BABAM2: variants seen among roughly 807,000 people sequenced by gnomAD.
BABAM2 encodes BRISC and BRCA1 A complex member 2, also known as BRISC and BRCA1-A complex member 2.
In BABAM2, 31 loss-of-function variants were observed where a neutral mutation model predicts 54.7. The observed-to-expected ratio is 0.57, with a 90% CI of 0.43 to 0.77. The LOEUF (loss-of-function observed/expected upper bound fraction) is 0.77, where lower values mean the gene tolerates loss of function less well. BABAM2 is among the 30% of genes least tolerant of loss of function. BABAM2 has a pLI of 0.00. For missense variants in BABAM2, 364 were observed against 455.8 expected (o/e 0.80, Z 1.83); for synonymous variants, 167 against 162.9 (o/e 1.03, Z -0.19).
At chr2:28,227,574 C>G (rs1164354822) in intron 7 of BABAM2, among the ~76,000 whole-genome samples, 1 of 152,150 alleles carries the variant, frequency 6.6e-6, no homozygotes, top group Non-Finnish European at 1.5e-5. Context: ...CTGGTAGTTT[C>G]AATAAATGTC....
At chr2:28,088,905 C>T (rs1449857559) in intron 6 of BABAM2, among the ~76,000 whole-genome samples, 1 of 152,132 alleles carries the variant, frequency 6.6e-6, no homozygotes, top group Admixed American at 6.5e-5. Flanking sequence ...GTGTGTGTAC[C>T]TGCCTTGATG....
chr2:27,957,850 A>C (rs1176484489), intron 3 of BABAM2, among the ~76,000 whole-genome samples: 1 of 152,220 alleles, frequency 6.6e-6, no homozygotes, highest in East Asian at 1.9e-4. Flanking sequence ...CATAAAAGGC[A>C]ATGAGGCTTT....
At chr2:27,979,689 G>A (rs1671866294) in intron 3 of BABAM2, among the ~76,000 whole-genome samples, 1 of 152,026 alleles carries the variant, frequency 6.6e-6, no homozygotes, top group Non-Finnish European at 1.5e-5. Context: ...TCGTGGTTTT[G>A]ATGTGTATTT....
At chr2:27,981,100 A>G (rs144240580) in intron 3 of BABAM2, among the ~76,000 whole-genome samples, 1 of 152,286 alleles carries the variant, frequency 6.6e-6, no homozygotes, top group Admixed American at 6.5e-5. Context: ...AAAAAGACAC[A>G]TTTTGTAAAG....
At chr2:28,084,729 G>A (rs1006222253) in intron 6 of BABAM2, among the ~76,000 whole-genome samples, 7 of 152,034 alleles carry the variant, frequency 4.6e-5, no homozygotes, top group Admixed American at 1.3e-4. Context: ...GACTCTGACC[G>A]TTCTACACAG....
At chr2:28,116,314 G>T (rs1573613419) in intron 6 of BABAM2, among the ~76,000 whole-genome samples, 1 of 152,214 alleles carries the variant, frequency 6.6e-6, no homozygotes, top group South Asian at 2.1e-4. Flanking sequence ...ACTCTAAGCT[G>T]CCCTTTAGGT....
At chr2:28,028,927 C>T (rs914771641) in intron 5 of BABAM2, among the ~76,000 whole-genome samples, 3 of 151,956 alleles carry the variant, frequency 2.0e-5, no homozygotes, top group Non-Finnish European at 2.9e-5. Context: ...CCACCACGCC[C>T]GGCTAATTTT....
intron 6 of BABAM2, among the ~76,000 whole-genome samples, chr2:28,099,075 C>A (rs1445987595): frequency 6.6e-6 from 1 of 152,134 alleles, no homozygotes; most frequent in Non-Finnish European, 1.5e-5. Flanking sequence ...ATACACTGAT[C>A]TTAGGGGTTT....
intron 3 of BABAM2, among the ~76,000 whole-genome samples, chr2:27,955,568 G>A (rs1670024794): frequency 6.6e-6 from 1 of 152,184 alleles, no homozygotes; most frequent in Non-Finnish European, 1.5e-5. Flanking sequence ...ACACAGATAT[G>A]TGCATTAGTG....
chr2:28,161,584 A>C (rs1381828114), intron 7 of BABAM2, among the ~76,000 whole-genome samples: 1 of 152,122 alleles, frequency 6.6e-6, no homozygotes, highest in African/African-American at 2.4e-5. Flanking sequence ...TCCCCTTTTC[A>C]AGCAAGGGTT....
chr2:27,989,959 T>C (rs1370575767), intron 4 of BABAM2, among the ~76,000 whole-genome samples: 1 of 152,204 alleles, frequency 6.6e-6, no homozygotes, highest in Non-Finnish European at 1.5e-5. Flanking sequence ...TATATAATTC[T>C]GTGTCAGACC....
intron 6 of BABAM2, among the ~76,000 whole-genome samples, chr2:28,089,069 CAA>C (rs1431615452): frequency 1.3e-5 from 2 of 151,574 alleles, no homozygotes; most frequent in Non-Finnish European, 2.9e-5. Context: ...TGAAAAGGGA[CAA>C]AGACAAGTGG....
chr2:28,186,708 A>G (rs758227053), intron 7 of BABAM2, among the ~76,000 whole-genome samples: 53 of 152,178 alleles, frequency 3.5e-4, no homozygotes, highest in Non-Finnish European at 6.5e-4. Context: ...AGCGAAGCGA[A>G]GCAAGGCAAG....
intron 3 of BABAM2, among the ~76,000 whole-genome samples, chr2:27,938,397 CTT>C (rs948792045): frequency 2.1e-5 from 3 of 144,516 alleles, no homozygotes. Context: ...AGGTCTTTGC[CTT>C]TTTTTTTTTT....
intron 7 of BABAM2, among the ~76,000 whole-genome samples, chr2:28,165,317 C>T (rs1307473332): frequency 2.0e-5 from 3 of 152,088 alleles, no homozygotes; most frequent in Non-Finnish European, 4.4e-5. Context: ...GAGAGGACAG[C>T]ACATACAGAG....
intron 5 of BABAM2, among the ~76,000 whole-genome samples, chr2:28,039,051 G>A (rs1378789802): frequency 6.6e-6 from 1 of 152,148 alleles, no homozygotes; most frequent in Non-Finnish European, 1.5e-5. Flanking sequence ...TGATAGGAGT[G>A]ATTATTTTGA....
intron 5 of BABAM2, among the ~76,000 whole-genome samples, chr2:28,026,852 T>TTATA (rs370412521): frequency 2.8e-4 from 18 of 64,514 alleles, no homozygotes; most frequent in South Asian, 6.8e-4. Flanking sequence ...AAATATATAT[T>TTATA]TATATATATA....
At chr2:28,084,076 G>A (rs2337700) in intron 6 of BABAM2, among the ~76,000 whole-genome samples, 34,358 of 151,998 alleles carry the variant, frequency 0.23, 4,659 homozygotes, top group East Asian at 0.56. Context: ...GACGGGTAGC[G>A]TGGCTGTCTT....
At chr2:27,944,930 A>G (rs1220690053) in intron 3 of BABAM2, among the ~76,000 whole-genome samples, 2 of 150,740 alleles carry the variant, frequency 1.3e-5, no homozygotes, top group African/African-American at 4.9e-5. Context: ...CAGTATTGGT[A>G]TTGTTGATCC....
Sources: gnomAD v4.1 joint callset for allele counts (sites outside exome capture counted in the v4.1 genomes callset) on GRCh38, gnomAD v4.1.1 for gene constraint, MANE v1.5 for transcripts, NCBI Gene and HGNC (gene_info 2026-07-23, HGNC 2026-07-21) for gene names.